GALNT8: variants seen among roughly 807,000 people sequenced by gnomAD.
GALNT8 encodes polypeptide N-acetylgalactosaminyltransferase 8, also known as probable polypeptide N-acetylgalactosaminyltransferase 8.
A neutral mutation model predicts 62.7 loss-of-function variants in GALNT8; 66 were observed. That is an observed-to-expected ratio of 1.05 (90% CI 0.86 to 1.29). The LOEUF is 1.29. Among genes scored for constraint, GALNT8 ranks in the 50% most tolerant of loss-of-function variants. The probability of loss-of-function intolerance (pLI) is 0.00; values close to 1 mark genes in which losing one functional copy is unlikely to be tolerated. For missense variants in GALNT8, 771 were observed against 791.8 expected, an observed-to-expected ratio of 0.97 and a Z score of 0.32; for synonymous variants, 288 against 294.3, an observed-to-expected ratio of 0.98 and a Z score of 0.22.
chr12:4,764,530 ATTTTT>A (rs58809573), intron 9 of GALNT8, among the ~76,000 whole-genome samples: 4 of 102,248 alleles, frequency 3.9e-5, no homozygotes, highest in African/African-American at 8.0e-5. Context: ...CAGTCAGGGG[ATTTTT>A]TTTTTTTTTT....
chr12:4,730,866 C>CT (rs1163742469), intron 2 of GALNT8, among the ~76,000 whole-genome samples: 11,145 of 137,218 alleles, frequency 0.081, 517 homozygotes, highest in Non-Finnish European at 0.095. Context: ...TTTTTCTTTT[C>CT]TTTTTTTTTT....
Position 4,772,649 on chromosome 12 carries a change from T to G in GALNT8, c.*52T>G, listed in dbSNP as rs748037022. 7.2e-7 allele frequency: 1 copy of G among 1,390,348 alleles called. No homozygotes were observed. The allele number at this position is 1,390,348 out of a possible 1,614,324, so 86.1% of individuals were successfully genotyped here. A position where few individuals can be genotyped will look rare whatever the true frequency, so the allele number is the denominator to read the frequency against. On this transcript the variant is annotated 3_prime_UTR_variant, in exon 11 of 11. Transcript: ENST00000252318. ...ATCAATTCTTGCAAGTGGAATGGCT[T>G]CTACTCCTAACACTCCCAGCTTCTT...
Position 4,764,018 on chromosome 12 carries a change from A to T in GALNT8, c.1564A>T (p.Met522Leu). The T allele has an allele frequency of 6.3e-7, 1 of 1,589,516 alleles. No individual in the cohort carries two copies. The highest frequency in any genetic ancestry group is 1.1e-5 in the South Asian group (1 of 90,684). ...ACCCGTTCCAGGCAACACCCCCATC[A>T]TGTATTACTGCCATGAATTCAGCTC... The part of the protein sequence containing the change: ...QGPVPGNTPI[M>L]YYCHEFSSQN... The change falls in exon 9 of 11, where the codon ATG becomes TTG. Residue 522 changes from methionine to leucine, a missense_variant. By Grantham distance (15) the Met-to-Leu change is conservative. Coordinates refer to ENST00000252318, the MANE Select transcript of GALNT8 (RefSeq NM_017417.2).
chr12:4,745,306 C>A, intron 4 of GALNT8, 123 bp from the exon 5 acceptor site: 1 of 686,806 alleles, frequency 1.5e-6, no homozygotes, highest in East Asian at 2.6e-5. Flanking sequence ...ACTCACAACC[C>A]AGTACAGCCT....
At chr12:4,729,281 A>G (rs1159074642) in intron 2 of GALNT8, among the ~76,000 whole-genome samples, 2 of 152,218 alleles carry the variant, frequency 1.3e-5, no homozygotes, top group Non-Finnish European at 2.9e-5. Context: ...CAGTGAGAAT[A>G]CTTAACATCT....
chr12:4,757,738 A>T (rs1008601876), intron 6 of GALNT8, among the ~76,000 whole-genome samples: 4 of 149,064 alleles, frequency 2.7e-5, no homozygotes, highest in African/African-American at 9.9e-5. Flanking sequence ...ATGTGCCCAG[A>T]TGTTTCTTCT....
At chr12:4,742,653 C>T (rs1444327443) in intron 3 of GALNT8, among the ~76,000 whole-genome samples, 1 of 152,026 alleles carries the variant, frequency 6.6e-6, no homozygotes, top group Admixed American at 6.5e-5. Flanking sequence ...CTGGAGGAGG[C>T]AGGCTCGGAT....
Position 4,763,291 on chromosome 12 carries a change from G to C in GALNT8, c.1398G>C (p.Met466Ile), listed in dbSNP as rs144204056. 4.2e-4 allele frequency: 683 copies of C among 1,610,952 alleles called. 3 individuals are homozygous for C. The African/African-American group carries it at 7.6e-3, about 18-fold the overall frequency. The change falls in exon 8 of 11, where the codon ATG becomes ATC. Residue 466 changes from methionine to isoleucine, a missense_variant. By Grantham distance (10) the Met-to-Ile change is conservative. Transcript: ENST00000252318. ...GIDFGDVSSR[M>I]ALREKLKCKT... ...ATTTTGGAGACGTTTCTTCCAGAAT[G>C]GCACTCCGGGAAAAACTGAAATGTA...
chr12:4,729,041 A>G (rs1946208951), intron 2 of GALNT8, among the ~76,000 whole-genome samples: 1 of 152,148 alleles, frequency 6.6e-6, no homozygotes, highest in Non-Finnish European at 1.5e-5. Flanking sequence ...TCTTTCAACA[A>G]TGTTTTGAGT....
rs1206891920 is a variant in GALNT8 at position 4,749,885 on chromosome 12, A to G, written c.1173+3627A>G. Among the ~76,000 whole-genome samples the G allele has an allele frequency of 1.3e-5, 2 of 152,058 alleles. No individual in the cohort carries two copies. Among genetic ancestry groups the G allele is most frequent in the African/African-American group, 2.4e-5 (1 of 41,422 alleles). The stretch of plus-strand genomic sequence containing the variant: ...GGTTTGGGATATTTTTCCTGGTTCA[A>G]TCTTGAACCAAGTTCAATGTGTCTA... On this transcript the variant is annotated intron_variant, in intron 6 of 10. Transcript: ENST00000252318. The surrounding 1 kb of genome is among the most constrained non-coding windows in gnomAD (Gnocchi z 4.1).
chr12:4,743,554 A>G (rs1946281566), intron 3 of GALNT8, among the ~76,000 whole-genome samples: 1 of 152,106 alleles, frequency 6.6e-6, no homozygotes, highest in Admixed American at 6.6e-5. Context: ...GAGAGAGGAG[A>G]GGGAGGGAGG....
At position 4,720,821 on chromosome 12, in the gene GALNT8, T is replaced by C. The variant is rs1355394230; in HGVS notation, c.144T>C (p.His48=). ...GTCTCCACAGGGAGCTTCCTTTACA[T>C]CTGAATAAACGCTACGGGGCAGTGA... ...TGGLHRELPL[H]LNKRYGAVIK... Residue 48 remains histidine, a synonymous_variant, in exon 1 of 11, where the codon CAT becomes CAC. Coordinates refer to ENST00000252318, the MANE Select transcript of GALNT8 (RefSeq NM_017417.2). 6.2e-7 allele frequency: 1 copy of C among 1,612,022 alleles called. No homozygotes were observed. The highest frequency in any genetic ancestry group is 1.7e-5 in the Admixed American group (1 of 60,020).
At chr12:4,748,285 A>G (rs1426803328) in intron 6 of GALNT8, among the ~76,000 whole-genome samples, 5 of 152,124 alleles carry the variant, frequency 3.3e-5, no homozygotes, top group African/African-American at 1.2e-4. Context: ...TTGCTGAAGA[A>G]ATCTTTGCCC....
intron 8 of GALNT8, among the ~76,000 whole-genome samples, 174 bp downstream of exon 8, chr12:4,763,564 C>T (rs1477423935): frequency 6.6e-6 from 1 of 152,160 alleles, no homozygotes. Flanking sequence ...CCCCGATCCC[C>T]ATCTCTTTTC....
chr12:4,739,147 AAATGG>A lies in GALNT8; in HGVS notation c.510-15_510-11del. The A allele has an allele frequency of 1.3e-6, 2 of 1,532,110 alleles. No homozygotes were observed. The highest frequency in any genetic ancestry group is 8.9e-7 in the Non-Finnish European group (1 of 1,122,934). The allele number at this position is 1,532,110 out of a possible 1,614,324, so 94.9% of individuals were successfully genotyped here. A position where few individuals can be genotyped will look rare whatever the true frequency, so the allele number is the denominator to read the frequency against. ...ATTAAAAAAAAATAATATGTTATAAAAATGGTCTCTTATAGATGTCTTCGGAAGAC... is the reference window on the plus strand; with the variant it reads ...ATTAAAAAAAAATAATATGTTATAAATCTCTTATAGATGTCTTCGGAAGAC... On this transcript the variant is annotated splice_polypyrimidine_tract_variant and intron_variant, in intron 2 of 10. Coordinates refer to ENST00000252318, the MANE Select transcript of GALNT8 (RefSeq NM_017417.2).
At chr12:4,728,189 C>T (rs957355294) in intron 2 of GALNT8, among the ~76,000 whole-genome samples, 12 of 137,426 alleles carry the variant, frequency 8.7e-5, no homozygotes, top group African/African-American at 1.6e-4. Context: ...TATTTGGAGA[C>T]GTTCTTTTAA....
chr12:4,721,520 G>A lies in GALNT8; in HGVS notation c.211+632G>A, dbSNP rs1591561689. Among the ~76,000 whole-genome samples, 2 of 152,248 alleles carry A rather than the reference G, an allele frequency of 1.3e-5. 1 individual carries two copies. The highest frequency in any genetic ancestry group is 3.9e-4 in the East Asian group (2 of 5,188). On this transcript the variant is annotated intron_variant, in intron 1 of 10. Transcript: ENST00000252318. ...CAAAGGTCTCTGCATCATAGACAAGGTAAAGAATTAAGTGCTGTGCTTTAG... is the reference window on the plus strand; with the variant it reads ...CAAAGGTCTCTGCATCATAGACAAGATAAAGAATTAAGTGCTGTGCTTTAG...
Position 4,749,643 on chromosome 12 carries a change from T to G in GALNT8, c.1173+3385T>G, listed in dbSNP as rs1946314351. ...TTTCTTTTTTTTTTTTAACGTGTCT[T>G]TGTCTTGTTTTGGTAGCAGGGTAAT... On this transcript the variant is annotated intron_variant, in intron 6 of 10. Coordinates refer to ENST00000252318, the MANE Select transcript of GALNT8 (RefSeq NM_017417.2). The surrounding 1 kb of genome is among the most constrained non-coding windows in gnomAD (Gnocchi z 4.1). Among the ~76,000 whole-genome samples, 2 of 152,018 alleles carry G rather than the reference T, an allele frequency of 1.3e-5. No homozygotes were observed. The highest frequency in any genetic ancestry group is 6.6e-5 in the Admixed American group (1 of 15,248).
chr12:4,766,198 T>G (rs1437107857), intron 10 of GALNT8, among the ~76,000 whole-genome samples: 3 of 152,006 alleles, frequency 2.0e-5, no homozygotes, highest in Non-Finnish European at 4.4e-5. Context: ...TAAGAAACAC[T>G]GAGTCTCTTG....
Sources: allele counts gnomAD v4.1 joint callset (sites outside exome capture counted in the v4.1 genomes callset), GRCh38; gene constraint gnomAD v4.1.1; non-coding constraint Gnocchi (gnomAD v3.1); transcripts MANE v1.5; gene names NCBI Gene and HGNC (gene_info 2026-07-23, HGNC 2026-07-21).